Variants in MSH3 observed in about 807,000 individuals in gnomAD.
The protein encoded by MSH3 is mutS homolog 3, also known as DNA mismatch repair protein Msh3.
Under a neutral mutation model 123.3 loss-of-function variants are expected in MSH3, and 106 were observed. That is an observed-to-expected ratio of 0.86 (90% CI 0.73 to 1.01). The LOEUF is 1.01. Ranked by LOEUF, MSH3 falls within the 50% of genes least tolerant of loss-of-function variation. The probability of loss-of-function intolerance (pLI) is 0.00; values close to 1 mark genes in which losing one functional copy is unlikely to be tolerated. For missense variants in MSH3, 1,459 were observed against 1,347.6 expected (o/e 1.08, Z -1.29); for synonymous variants, 515 against 481.4 (o/e 1.07, Z -0.91).
chr5:80,690,681 T>G (rs1421359583), intron 8 of MSH3, among the ~76,000 whole-genome samples: 1 of 152,204 alleles, frequency 6.6e-6, no homozygotes, highest in Non-Finnish European at 1.5e-5. Flanking sequence ...TAAGTGCTCC[T>G]TATTACTAAT....
intron 13 of MSH3, among the ~76,000 whole-genome samples, chr5:80,765,651 G>T (rs1343829286): frequency 6.6e-6 from 1 of 152,080 alleles, no homozygotes. Flanking sequence ...ATTTTCCTGA[G>T]CTGTCTTCTA....
At chr5:80,752,188 GTCTGAA>G (rs1743851427) in intron 12 of MSH3, among the ~76,000 whole-genome samples, 1 of 151,926 alleles carries the variant, frequency 6.6e-6, no homozygotes, top group African/African-American at 2.4e-5. Context: ...AGAAGCAGAG[GTCTGAA>G]TCTGAGATTC....
intron 11 of MSH3, among the ~76,000 whole-genome samples, chr5:80,743,071 A>G (rs1743646184): frequency 6.6e-6 from 1 of 151,910 alleles, no homozygotes; most frequent in African/African-American, 2.4e-5. Context: ...CCCCTCGCCC[A>G]CCTTTCCAAG....
At chr5:80,812,618 C>G (rs538039269) in intron 19 of MSH3, among the ~76,000 whole-genome samples, 2 of 140,936 alleles carry the variant, frequency 1.4e-5, no homozygotes, top group African/African-American at 2.6e-5. Flanking sequence ...GAGTCTCACT[C>G]TCACCCATGC....
intron 20 of MSH3, among the ~76,000 whole-genome samples, chr5:80,826,529 AACAG>A (rs1391845118): frequency 6.7e-6 from 1 of 150,336 alleles, no homozygotes; most frequent in Admixed American, 6.7e-5. Flanking sequence ...AAACGCTATA[AACAG>A]ACAGGAGGTT....
chr5:80,754,251 G>A (rs539925961), intron 12 of MSH3, among the ~76,000 whole-genome samples: 2 of 151,994 alleles, frequency 1.3e-5, no homozygotes, highest in African/African-American at 4.8e-5. Context: ...TATACTTCCA[G>A]AAACCTTTTG....
At chr5:80,777,666 T>G (rs915884403) in intron 16 of MSH3, among the ~76,000 whole-genome samples, 3 of 152,170 alleles carry the variant, frequency 2.0e-5, no homozygotes, top group Admixed American at 6.5e-5. Context: ...TTTATCTGTT[T>G]GGCCATAGGG....
chr5:80,858,809 T>C (rs1372605634), intron 21 of MSH3, among the ~76,000 whole-genome samples: 1 of 152,186 alleles, frequency 6.6e-6, no homozygotes, highest in Non-Finnish European at 1.5e-5. Flanking sequence ...AATTTTGATA[T>C]CTCTAACTAT....
intron 17 of MSH3, among the ~76,000 whole-genome samples, chr5:80,780,598 G>T (rs1238327537): frequency 6.6e-6 from 1 of 152,168 alleles, no homozygotes; most frequent in Non-Finnish European, 1.5e-5. Flanking sequence ...CAGGCGCAGT[G>T]GCTCACACCT....
intron 13 of MSH3, among the ~76,000 whole-genome samples, chr5:80,762,047 T>C (rs1744044863): frequency 6.6e-6 from 1 of 152,134 alleles, no homozygotes; most frequent in Non-Finnish European, 1.5e-5. Context: ...GAACAACTTA[T>C]TGTTTCTTAA....
chr5:80,869,313 G>A (rs1301442345), intron 22 of MSH3, among the ~76,000 whole-genome samples: 5 of 152,138 alleles, frequency 3.3e-5, no homozygotes, highest in African/African-American at 1.2e-4. Context: ...AGCAGTGCCA[G>A]GTAAACATTT....
intron 13 of MSH3, among the ~76,000 whole-genome samples, chr5:80,764,095 T>G (rs1744085178): frequency 6.6e-6 from 1 of 152,244 alleles, no homozygotes; most frequent in Non-Finnish European, 1.5e-5. Context: ...GCTGGCTCTG[T>G]GTACACACCA....
At chr5:80,838,447 A>G (rs114090930) in intron 20 of MSH3, among the ~76,000 whole-genome samples, 14 of 152,350 alleles carry the variant, frequency 9.2e-5, no homozygotes, top group African/African-American at 3.4e-4. Flanking sequence ...ACAAAATGAG[A>G]TAATGCCGGT....
intron 11 of MSH3, among the ~76,000 whole-genome samples, chr5:80,743,330 G>A (rs1730252559): frequency 6.6e-6 from 1 of 152,092 alleles, no homozygotes; most frequent in Non-Finnish European, 1.5e-5. Flanking sequence ...TTGTGACCTT[G>A]TACCTTCTCT....
At chr5:80,734,975 AT>A (rs1743477640) in intron 10 of MSH3, among the ~76,000 whole-genome samples, 1 of 152,218 alleles carries the variant, frequency 6.6e-6, no homozygotes, top group South Asian at 2.1e-4. Context: ...ATTGGAGGAC[AT>A]TTCTCATGCA....
chr5:80,670,044 A>G (rs1749668815), intron 3 of MSH3, 53 bp from the exon 4 acceptor site: 1 of 1,534,578 alleles, frequency 6.5e-7, no homozygotes, highest in African/African-American at 1.4e-5. Flanking sequence ...GTCTCTGGGA[A>G]CTTATTATTG....
intron 19 of MSH3, among the ~76,000 whole-genome samples, chr5:80,806,421 T>C (rs1310316937): frequency 6.6e-6 from 1 of 152,248 alleles, no homozygotes; most frequent in Non-Finnish European, 1.5e-5. Context: ...ATACATGATA[T>C]GAGTTAGGAA....
chr5:80,785,925 G>A (rs1216769423), intron 17 of MSH3, among the ~76,000 whole-genome samples: 2 of 151,250 alleles, frequency 1.3e-5, no homozygotes, highest in African/African-American at 4.9e-5. Context: ...CTTACTCACA[G>A]GTGGGAATTG....
chr5:80,702,034 A>G (rs1329591746), intron 8 of MSH3, among the ~76,000 whole-genome samples: 2 of 151,840 alleles, frequency 1.3e-5, no homozygotes, highest in African/African-American at 2.4e-5. Context: ...AAACCCAAAA[A>G]CCCTCTGATA....
Sources: allele counts gnomAD v4.1 joint callset (sites outside exome capture counted in the v4.1 genomes callset), GRCh38; gene constraint gnomAD v4.1.1; transcripts MANE v1.5; gene names NCBI Gene and HGNC (gene_info 2026-07-23, HGNC 2026-07-21).